RTEL1: variants seen among roughly 807,000 people sequenced by gnomAD.
The protein encoded by RTEL1 is regulator of telomere elongation helicase 1.
Under a neutral mutation model 162.2 loss-of-function variants are expected in RTEL1, and 86 were observed. That is an observed-to-expected ratio of 0.53 (90% CI 0.45 to 0.63). RTEL1 has a LOEUF of 0.63. Among genes scored for constraint, RTEL1 ranks in the 30% least tolerant of loss-of-function variants. The probability of loss-of-function intolerance (pLI) is 0.00; values close to 1 mark genes in which losing one functional copy is unlikely to be tolerated. For synonymous variants in RTEL1, 958 were observed against 717.9 expected (o/e 1.33, Z -5.35); for missense variants, 1,941 against 1,750.2 (o/e 1.11, Z -1.95).
In RTEL1 at chr20:63,695,409, G is replaced by A. The variant is rs575375706; in HGVS notation, c.3581G>A (p.Gly1194Glu). Residue 1194 changes from glycine (G) to glutamate (E), a missense_variant, in exon 34 of 35, where the codon GGG becomes GAG. Gly to Glu is a moderately conservative substitution (Grantham distance 98, BLOSUM62 -2). Coordinates refer to ENST00000360203, the MANE Select transcript of RTEL1 (RefSeq NM_001283009.2). ...FLRQRPAGTV[G>E]AGGEDAGPSQ... ...AGACAGAGGCCAGCAGGGACTGTGG[G>A]GGCGGGCGGTGAGGATGCAGGTCCC... 5.1e-6 allele frequency: 8 copies of A among 1,559,774 alleles called. No individual in the cohort carries two copies. The South Asian group carries it at 9.7e-5, about 19-fold the overall frequency.
At chr20:63,691,384 C>T (rs2145437164) in intron 27 of RTEL1, among the ~76,000 whole-genome samples, 1 of 152,304 alleles carries the variant, frequency 6.6e-6, no homozygotes, top group Admixed American at 6.5e-5. Context: ...CTCCCTGCTT[C>T]CTGCTGGGAG....
chr20:63,679,838 C>G lies in RTEL1; in HGVS notation c.1038-11C>G. ...CCGCCAGGCTCGAGCCTGCCTTCTT[C>G]TCCTCGGCAGCTACATCTTTGAGCT... On this transcript the variant is annotated splice_polypyrimidine_tract_variant and intron_variant, in intron 12 of 34. Transcript: ENST00000360203. 1.2e-6 allele frequency: 2 copies of G among 1,607,054 alleles called. No homozygotes were observed. The highest frequency in any genetic ancestry group is 2.7e-5 in the African/African-American group (2 of 74,952).
chr20:63,693,183 T>A lies in RTEL1; in HGVS notation c.2892T>A (p.Phe964Leu). 6.2e-7 allele frequency: 1 copy of A among 1,612,172 alleles called. No homozygotes were observed. The highest frequency in any genetic ancestry group is 1.1e-5 in the South Asian group (1 of 91,086). ...QFVRPHHKQQ[F>L]EEVCIQLTGR... ...TGCGGCCCCACCATAAGCAGCAGTT[T>A]GAGGAGGTCTGTATCCAGCTGACAG... The change falls in exon 30 of 35, where the codon TTT becomes TTA. Residue 964 changes from phenylalanine to leucine, a missense_variant. Coordinates refer to ENST00000360203, the MANE Select transcript of RTEL1 (RefSeq NM_001283009.2).
chr20:63,666,604 T>G (rs1427329669), intron 7 of RTEL1, among the ~76,000 whole-genome samples: 1 of 152,066 alleles, frequency 6.6e-6, no homozygotes, highest in Non-Finnish European at 1.5e-5. Context: ...GTCACAGTCT[T>G]GGCTCACTGC....
rs752413439 is a variant in RTEL1, at chr20:63,661,390, C to T, written c.195C>T (p.Asp65=). The T allele has an allele frequency of 2.6e-5, 42 of 1,613,820 alleles. No individual in the cohort carries two copies. The highest frequency in any genetic ancestry group is 1.2e-4 in the Admixed American group (7 of 60,016). The part of the protein sequence containing the change: ...TTLAWREHLR[D]GISARKIAER... ...TGGCCTGGCGAGAACACCTCCGAGACGGCATCTCTGCCCGCAAGATTGCCG... is the reference window on the plus strand; with the variant it reads ...TGGCCTGGCGAGAACACCTCCGAGATGGCATCTCTGCCCGCAAGATTGCCG... Residue 65 remains aspartate, a synonymous_variant, in exon 3 of 35, where the codon GAC becomes GAT. Transcript: ENST00000360203. The surrounding 1 kb of genome is among the most constrained non-coding windows in gnomAD (Gnocchi z 5.1).
intron 11 of RTEL1, 26 bp from the exon 12 acceptor site, chr20:63,678,242 G>C (rs1179128518): frequency 6.2e-7 from 1 of 1,612,908 alleles, no homozygotes; most frequent in South Asian, 1.1e-5. Flanking sequence ...TTGCGAGGAG[G>C]TGGGTGACAC....
chr20:63,689,216 T>C (rs1202184295), intron 22 of RTEL1, 84 bp downstream of exon 22: 1 of 1,316,570 alleles, frequency 7.6e-7, no homozygotes, highest in Admixed American at 1.8e-5. Flanking sequence ...CTCTGGGCCC[T>C]GGGGGCTGCC....
Position 63,678,139 on chromosome 20 carries a change from G to C in RTEL1, c.920-6G>C, listed in dbSNP as rs754549270. On this transcript the variant is annotated splice_polypyrimidine_tract_variant and splice_region_variant and intron_variant, in intron 10 of 34. Coordinates refer to ENST00000360203, the MANE Select transcript of RTEL1 (RefSeq NM_001283009.2). Reference sequence around the variant, plus strand: ...AGACTGCCTTTGCTGCCTTTCTCTTGCCCAGGGCTGAACATGGAGCTGGAA... The same window carrying C: ...AGACTGCCTTTGCTGCCTTTCTCTTCCCCAGGGCTGAACATGGAGCTGGAA... The C allele has an allele frequency of 6.2e-7, 1 of 1,614,018 alleles. No homozygotes were observed. The highest frequency in any genetic ancestry group is 8.5e-7 in the Non-Finnish European group (1 of 1,180,036).
chr20:63,695,676 T>C (rs1334360576), intron 34 of RTEL1, 26 bp downstream of exon 34: 5 of 1,610,814 alleles, frequency 3.1e-6, no homozygotes, highest in Admixed American at 3.3e-5. Context: ...CTACAGTTCC[T>C]GCTGGGTGTA....
chr20:63,683,506 G>C lies in RTEL1; in HGVS notation c.1192-2017G>C, dbSNP rs565587656. ...ACCCAGGCACGTGCACATGCATGCA[G>C]AGTACGCACACACGCACGCACGCCT... On this transcript the variant is annotated intron_variant, in intron 14 of 34. Transcript: ENST00000360203. Among the ~76,000 whole-genome samples, 156 of 152,390 alleles carry C rather than the reference G, an allele frequency of 1.0e-3. 1 individual carries two copies. Among genetic ancestry groups the C allele is most frequent in the South Asian group, 3.7e-3 (18 of 4,832 alleles).
At chr20:63,689,712 C>A (rs774119957) in intron 23 of RTEL1, 38 bp from the exon 24 acceptor site, 1 of 1,605,902 alleles carries the variant, frequency 6.2e-7, no homozygotes, top group East Asian at 2.2e-5. Context: ...GCCCCGTGGC[C>A]AAGGGAGCCC....
At chr20:63,689,999 C>G in intron 24 of RTEL1, 88 bp from the exon 25 acceptor site, 2 of 1,567,986 alleles carry the variant, frequency 1.3e-6, no homozygotes, top group South Asian at 1.1e-5. Context: ...AGCGTGGGGC[C>G]CCTGCAGCAG....
At position 63,682,023 on chromosome 20, in the gene RTEL1, C is replaced by T. The variant is rs139325464; in HGVS notation, c.1191+1304C>T. On this transcript the variant is annotated intron_variant, in intron 14 of 34. Coordinates refer to ENST00000360203, the MANE Select transcript of RTEL1 (RefSeq NM_001283009.2). ...CCTGATGGGTCACTGCAAAGCACCT[C>T]CAGCACATGGCCAGGCGAGGTAGCC... 4.1e-5 allele frequency: 40 copies of T among 985,472 alleles called. No homozygotes were observed. The East Asian group carries it at 4.4e-3, about 109-fold the overall frequency. The allele number at this position is 985,472 out of a possible 1,614,324, so 61.0% of individuals were successfully genotyped here.
chr20:63,659,595 G>T, intron 2 of RTEL1, 91 bp downstream of exon 2: 1 of 931,602 alleles, frequency 1.1e-6, no homozygotes, highest in East Asian at 2.5e-5. Flanking sequence ...ATTCCAGCCA[G>T]GCCCCTCCGG....
rs921291277 is a variant in RTEL1 at position 63,685,952 on chromosome 20, C to G, written c.1348+80C>G. ...ACCATGCCACAGGCTAGGCACATGC[C>G]CAGCCGTGGATCTCCTGCCCCCATG... On this transcript the variant is annotated intron_variant, in intron 16 of 34. Coordinates refer to ENST00000360203, the MANE Select transcript of RTEL1 (RefSeq NM_001283009.2). The G allele has an allele frequency of 1.2e-5, 17 of 1,380,296 alleles. No homozygotes were observed. The Admixed American group carries it at 1.9e-4, about 15-fold the overall frequency. The allele number at this position is 1,380,296 out of a possible 1,614,324, so 85.5% of individuals were successfully genotyped here.
intron 10 of RTEL1, among the ~76,000 whole-genome samples, chr20:63,674,964 A>G (rs937965949): frequency 9.2e-5 from 14 of 151,454 alleles, no homozygotes; most frequent in Non-Finnish European, 1.6e-4. Flanking sequence ...CTGGAGTGCA[A>G]TGGCGCGATC....
chr20:63,664,637 G>A (rs2090088353), intron 6 of RTEL1, among the ~76,000 whole-genome samples: 1 of 152,248 alleles, frequency 6.6e-6, no homozygotes, highest in African/African-American at 2.4e-5. Flanking sequence ...GACCTGGCGG[G>A]AGGTTGCCTA....
Position 63,695,476 on chromosome 20 carries a change from G to A in RTEL1, c.3648G>A (p.Glu1216=). Residue 1216 remains glutamate (E), a synonymous_variant, in exon 34 of 35, where the codon GAG becomes GAA. Transcript: ENST00000360203. ...SGPPHGPAAS[E]WGEPHGRDIA... is the part of the protein sequence containing the mutation. ...CTCCCCACGGGCCTGCAGCATCTGA[G>A]TGGGGTGAGCCTCATGGGAGAGACA... The A allele has an allele frequency of 1.2e-6, 2 of 1,605,634 alleles. No homozygotes were observed. Among genetic ancestry groups the A allele is most frequent in the Non-Finnish European group, 1.7e-6 (2 of 1,175,956 alleles).
chr20:63,659,108 CGAGAT>C (rs1395558606), intron 1 of RTEL1, 120 bp from the exon 2 acceptor site: 1 of 354,620 alleles, frequency 2.8e-6, no homozygotes, highest in Non-Finnish European at 5.3e-6. Context: ...GCCAGCTCCT[CGAGAT>C]GGGATATACC....
Sources: gnomAD v4.1 joint callset for allele counts (sites outside exome capture counted in the v4.1 genomes callset) on GRCh38, gnomAD v4.1.1 for gene constraint, Gnocchi (gnomAD v3.1) non-coding constraint, MANE v1.5 for transcripts, NCBI Gene and HGNC (gene_info 2026-07-23, HGNC 2026-07-21) for gene names.